Variants in ABCA3 observed in about 807,000 individuals in gnomAD.
ABCA3 encodes phospholipid-transporting ATPase ABCA3.
In ABCA3, 88 loss-of-function variants were observed where a neutral mutation model predicts 172.8. That is an observed-to-expected ratio of 0.51 (90% CI 0.43 to 0.61). The LOEUF (loss-of-function observed/expected upper bound fraction) is 0.61. Ranked by LOEUF, ABCA3 falls within the 20% of genes least tolerant of loss-of-function variation. The probability of loss-of-function intolerance (pLI) is 0.00; values close to 1 mark genes in which losing one functional copy is unlikely to be tolerated. For synonymous variants in ABCA3, 1,066 were observed against 983.8 expected (o/e 1.08, Z -1.56); for missense variants, 2,164 against 2,301.0 (o/e 0.94, Z 1.22).
rs1020668703 is a variant in ABCA3, at chr16:2,276,087, G to A, written c.*587C>T. 9 of 303,856 alleles carry A rather than the reference G, an allele frequency of 3.0e-5. No individual in the cohort carries two copies. The highest frequency in any genetic ancestry group is 1.6e-4 in the African/African-American group (7 of 44,586). The allele number at this position is 303,856 out of a possible 1,614,324, so 18.8% of individuals were successfully genotyped here. A position where few individuals can be genotyped will look rare whatever the true frequency, so the allele number is the denominator to read the frequency against. On this transcript the variant is annotated 3_prime_UTR_variant, in exon 33 of 33. Coordinates refer to ENST00000301732, the MANE Select transcript of ABCA3 (RefSeq NM_001089.3). ...TAGGAGATGCTGTGGGACGGTGCCC[G>A]GCTTCGCGGTGACTACCATGCCCTA...
intron 10 of ABCA3, among the ~76,000 whole-genome samples, chr16:2,315,820 C>T (rs1181589995): frequency 6.6e-6 from 1 of 150,928 alleles, no homozygotes; most frequent in Admixed American, 6.6e-5. Flanking sequence ...CATGCCACCA[C>T]ACCTGGCTAA....
intron 1 of ABCA3, among the ~76,000 whole-genome samples, chr16:2,333,836 G>A (rs1001604908): frequency 2.6e-5 from 4 of 151,980 alleles, no homozygotes; most frequent in African/African-American, 9.7e-5. Context: ...TTACAGGCGT[G>A]CGCCACCATG....
intron 1 of ABCA3, 81 bp downstream of exon 1, chr16:2,340,492 G>A (rs1159503500): frequency 1.3e-5 from 2 of 150,270 alleles, no homozygotes; most frequent in East Asian, 3.9e-4. Flanking sequence ...GCTGGCCGGC[G>A]AGGGTGGGAA....
chr16:2,315,149 C>T (rs1445213700), intron 10 of ABCA3, among the ~76,000 whole-genome samples: 1 of 150,804 alleles, frequency 6.6e-6, no homozygotes, highest in Non-Finnish European at 1.5e-5. Flanking sequence ...TCCCAAATTG[C>T]TGGGATTACA....
At chr16:2,316,648 A>C (rs2093716382) in intron 10 of ABCA3, among the ~76,000 whole-genome samples, 1 of 152,000 alleles carries the variant, frequency 6.6e-6, no homozygotes, top group South Asian at 2.1e-4. Context: ...AATGCACTCC[A>C]GACTGAGCAA....
intron 1 of ABCA3, among the ~76,000 whole-genome samples, chr16:2,337,893 A>G (rs2093754391): frequency 1.3e-5 from 2 of 152,218 alleles, no homozygotes; most frequent in Non-Finnish European, 2.9e-5. Flanking sequence ...CTAGGATCAC[A>G]GGCTCTGCGT....
Position 2,326,118 on chromosome 16 carries a change from A to G in ABCA3, c.211T>C (p.Phe71Leu). The change falls in exon 5 of 33, where the codon TTC (phenylalanine) becomes CTC (leucine). Residue 71 changes from phenylalanine to leucine, a missense_variant. By Grantham distance (22) the Phe-to-Leu change is conservative. Transcript: ENST00000301732. ...SIQELPLFFT[F>L]PPPGDTWELA... ...TCCCAGGTGTCTCCTGGCGGAGGGA[A>G]GGTGAAGAACAGAGGCAGCTCCTGG... 1.2e-6 allele frequency: 2 copies of G among 1,614,138 alleles called. No individual in the cohort carries two copies. The highest frequency in any genetic ancestry group is 1.1e-5 in the South Asian group (1 of 91,088).
Position 2,299,533 on chromosome 16 carries a change from CT to C in ABCA3, c.1612-2del. 1.2e-6 allele frequency: 2 copies of C among 1,613,166 alleles called. No homozygotes were observed. Among genetic ancestry groups the C allele is most frequent in the Non-Finnish European group, 1.7e-6 (2 of 1,180,002 alleles). On this transcript the variant is annotated splice_acceptor_variant, in intron 13 of 32. Transcript: ENST00000301732. LOFTEE classifies it high-confidence loss of function. ...TGTCCTTATTTCCCACCCTGAACAC[CT>C]GCAGGAAAGGCAGAGGCTGCCCTGG...
At chr16:2,298,657 T>C in intron 14 of ABCA3, 117 bp from the exon 15 acceptor site, 1 of 1,281,824 alleles carries the variant, frequency 7.8e-7, no homozygotes, top group South Asian at 1.3e-5. Flanking sequence ...ACCCTGCCCA[T>C]GAGAGGGCAC....
In ABCA3 at chr16:2,328,327, C is replaced by T. The variant is rs113113922; in HGVS notation, c.-27+126G>A. ...GGAGGATCCCTTAAGCCCAGGAGTT[C>T]GAGACCAGCCTGGGCAACATAGCAA... On this transcript the variant is annotated intron_variant, in intron 3 of 32. Coordinates refer to ENST00000301732, the MANE Select transcript of ABCA3 (RefSeq NM_001089.3). 1,772 of 319,388 alleles carry T rather than the reference C, an allele frequency of 5.5e-3. 10 individuals carry two copies. The highest frequency in any genetic ancestry group is 9.1e-3 in the Non-Finnish European group (1,428 of 156,238). The allele number at this position is 319,388 out of a possible 1,614,324, so 19.8% of individuals were successfully genotyped here.
At chr16:2,301,070 A>G (rs1211716265) in intron 12 of ABCA3, among the ~76,000 whole-genome samples, 10 of 151,524 alleles carry the variant, frequency 6.6e-5, no homozygotes, top group South Asian at 2.1e-4. Flanking sequence ...CTCTACTAAA[A>G]ATACAAAAAA....
In ABCA3 at chr16:2,284,473, G is replaced by A. The variant is rs749428655; in HGVS notation, c.3704-36C>T. Reference sequence around the variant, plus strand: ...GAGGTAAGATCAGTCTGCGCTGGAGGGCACACCACACCCACCTCCAGGACG... The same window carrying A: ...GAGGTAAGATCAGTCTGCGCTGGAGAGCACACCACACCCACCTCCAGGACG... On this transcript the variant is annotated intron_variant, in intron 24 of 32. Transcript: ENST00000301732. This position sits in a 1 kb window ranked among gnomAD's most constrained non-coding sequence, Gnocchi z 5.9. 2 of 1,612,656 alleles carry A rather than the reference G, an allele frequency of 1.2e-6. No homozygotes were observed. The highest frequency in any genetic ancestry group is 8.5e-7 in the Non-Finnish European group (1 of 1,179,632).
chr16:2,296,348 C>T (rs1158172962), intron 17 of ABCA3, among the ~76,000 whole-genome samples: 1 of 152,148 alleles, frequency 6.6e-6, no homozygotes, highest in Non-Finnish European at 1.5e-5. Context: ...ATTCTCCTGC[C>T]TCAGCCTCCC....
Position 2,323,785 on chromosome 16 carries a change from C to A in ABCA3, c.448-97G>T, listed in dbSNP as rs323060. The stretch of plus-strand genomic sequence containing the variant: ...GAGAGCGCTTGGGGGGCTGTCACAG[C>A]CGAGAACTCACCACTCCCCCGCCTC... On this transcript the variant is annotated intron_variant, in intron 6 of 32. Coordinates refer to ENST00000301732, the MANE Select transcript of ABCA3 (RefSeq NM_001089.3). The A allele has an allele frequency of 0.97, 1,364,744 of 1,406,234 alleles. 670,872 individuals carry two copies. The highest frequency in any genetic ancestry group is 1 in the East Asian group (43,906 of 43,910). 87.1% of individuals were successfully genotyped at this position (1,406,234 alleles called of 1,614,324 possible).
At chr16:2,314,973 G>A (rs1205032805) in intron 10 of ABCA3, among the ~76,000 whole-genome samples, 1 of 150,792 alleles carries the variant, frequency 6.6e-6, no homozygotes, top group Admixed American at 6.6e-5. Flanking sequence ...CGCCTCCTGG[G>A]TTCAAGCGAT....
At chr16:2,292,625 A>T (rs187865317) in intron 18 of ABCA3, among the ~76,000 whole-genome samples, 26 of 152,032 alleles carry the variant, frequency 1.7e-4, no homozygotes, top group Non-Finnish European at 2.4e-4. Flanking sequence ...AAATAAAATT[A>T]AAAAAATAAG....
Position 2,278,921 on chromosome 16 carries a change from G to T in ABCA3, c.4547+22C>A, listed in dbSNP as rs745729597. 1 of 1,613,198 alleles carries T rather than the reference G, an allele frequency of 6.2e-7. No individual in the cohort carries two copies. The highest frequency in any genetic ancestry group is 2.2e-5 in the East Asian group (1 of 44,874). On this transcript the variant is annotated intron_variant, in intron 29 of 32. Transcript: ENST00000301732. The surrounding 1 kb of genome is among the most constrained non-coding windows in gnomAD (Gnocchi z 4.4). Reference sequence around the variant, plus strand: ...TTGATTCTGACTCCACTCTGGGAAGGGCCAGGGCTCGGGAGGTGCACCTGT... The same window carrying T: ...TTGATTCTGACTCCACTCTGGGAAGTGCCAGGGCTCGGGAGGTGCACCTGT...
At chr16:2,324,299 G>A in intron 6 of ABCA3, 105 bp downstream of exon 6, 2 of 1,475,162 alleles carry the variant, frequency 1.4e-6, no homozygotes, top group South Asian at 1.2e-5. Flanking sequence ...GGCAGGCAGA[G>A]GTTTAAGGGA....
intron 1 of ABCA3, among the ~76,000 whole-genome samples, chr16:2,333,787 C>T (rs1336632728): frequency 6.6e-6 from 1 of 151,430 alleles, no homozygotes; most frequent in African/African-American, 2.4e-5. Context: ...CTCCTGGGTT[C>T]AAGCGATTCT....
Sources: allele counts gnomAD v4.1 joint callset (sites outside exome capture counted in the v4.1 genomes callset), GRCh38; gene constraint gnomAD v4.1.1; non-coding constraint Gnocchi (gnomAD v3.1); transcripts MANE v1.5; gene names NCBI Gene and HGNC (gene_info 2026-07-23, HGNC 2026-07-21).